FRMPD4: variants seen among roughly 807,000 people sequenced by gnomAD.
FRMPD4 encodes the protein FERM and PDZ domain containing 4.
In FRMPD4, 22 loss-of-function variants were observed where a neutral mutation model predicts 94.1. The observed-to-expected ratio is 0.23, with a 90% confidence interval of 0.17 to 0.33. FRMPD4 has a LOEUF of 0.33. Ranked by LOEUF, FRMPD4 falls within the 10% of genes least tolerant of loss-of-function variation. The probability of loss-of-function intolerance (pLI) is 1.00; values close to 1 mark genes in which losing one functional copy is unlikely to be tolerated. For missense variants in FRMPD4, 1,111 were observed against 1,339.9 expected (o/e 0.83, Z 2.67); for synonymous variants, 631 against 548.6 (o/e 1.15, Z -2.10).
chrX:12,414,980 T>A (rs894133964), intron 1 of FRMPD4, among the ~76,000 whole-genome samples: 2 of 111,324 alleles, frequency 1.8e-5, no homozygotes, highest in Non-Finnish European at 3.8e-5. Flanking sequence ...CTGATCATCT[T>A]TTTGGTGGTC....
At chrX:11,931,367 G>C (rs1020194010) in intron 3 of FRMPD4, among the ~76,000 whole-genome samples, 2 of 111,991 alleles carry the variant, frequency 1.8e-5, no homozygotes, top group African/African-American at 3.2e-5. Flanking sequence ...GGCTTTCCTT[G>C]GGGTCTCCCA....
intron 4 of FRMPD4, among the ~76,000 whole-genome samples, chrX:12,665,738 C>T (rs1221611129): frequency 2.7e-5 from 3 of 111,727 alleles, no homozygotes; most frequent in Non-Finnish European, 5.6e-5. Flanking sequence ...GAGATTTTGT[C>T]ACCACCAAGC....
At chrX:11,901,034 G>C (rs773755637) in intron 3 of FRMPD4, among the ~76,000 whole-genome samples, 5 of 111,209 alleles carry the variant, frequency 4.5e-5, no homozygotes, top group African/African-American at 1.6e-4. Flanking sequence ...TCCCTCTAAG[G>C]TAATGTGGCC....
In FRMPD4 at chrX:12,342,512, G is replaced by A. The variant is rs779187553; in HGVS notation, c.42-156168G>A. Among the ~76,000 whole-genome samples, 14 of 111,875 alleles carry A rather than the reference G, an allele frequency of 1.3e-4. No individual in the cohort carries two copies. In the East Asian group the frequency reaches 4.0e-3, roughly 32 times the overall value. On this transcript the variant is annotated intron_variant, in intron 1 of 16. Coordinates refer to ENST00000675598, the MANE Select transcript of FRMPD4 (RefSeq NM_001368397.1). ...GGTGCCCTTGATGGGGTCACGGGTG[G>A]GTGTGGTCTATTCTAGCTGAGAAGA...
chrX:12,157,355 T>C (rs1368253966), intron 1 of FRMPD4, among the ~76,000 whole-genome samples: 1 of 111,681 alleles, frequency 9.0e-6, no homozygotes, highest in Admixed American at 9.5e-5. Context: ...ATCACTTCTT[T>C]TTTTTCCTTT....
intron 2 of FRMPD4, among the ~76,000 whole-genome samples, chrX:12,539,287 G>A (rs2058377197): frequency 8.9e-6 from 1 of 112,092 alleles, no homozygotes; most frequent in African/African-American, 3.2e-5. Flanking sequence ...ATGGGACTAT[G>A]TGAAAGGACC....
intron 1 of FRMPD4, among the ~76,000 whole-genome samples, chrX:11,852,333 C>G (rs1019545313): frequency 9.4e-6 from 1 of 106,938 alleles, no homozygotes; most frequent in Non-Finnish European, 1.9e-5. Context: ...TATACTTTGT[C>G]CAGGAGGCTG....
At chrX:11,963,901 GA>G (rs992950731) in intron 3 of FRMPD4, among the ~76,000 whole-genome samples, 1 of 111,161 alleles carries the variant, frequency 9.0e-6, no homozygotes, top group African/African-American at 3.3e-5. Flanking sequence ...CTATATAGGT[GA>G]AAAAATTCCC....
At chrX:11,976,853 C>T (rs2054370004) in intron 3 of FRMPD4, among the ~76,000 whole-genome samples, 1 of 111,757 alleles carries the variant, frequency 8.9e-6, no homozygotes, top group African/African-American at 3.3e-5. Flanking sequence ...TCCTTATTTG[C>T]CATGACTCAT....
chrX:12,579,767 T>G (rs1259408821), intron 2 of FRMPD4, among the ~76,000 whole-genome samples: 1 of 112,107 alleles, frequency 8.9e-6, no homozygotes, highest in Non-Finnish European at 1.9e-5. Context: ...CATGAATGCT[T>G]TTTTACAGTC....
At chrX:12,042,924 C>A (rs1162163925) in intron 3 of FRMPD4, among the ~76,000 whole-genome samples, 1 of 111,996 alleles carries the variant, frequency 8.9e-6, no homozygotes, top group Non-Finnish European at 1.9e-5. Flanking sequence ...CCCTCTTTGG[C>A]AGTGAAGCTG....
intron 2 of FRMPD4, among the ~76,000 whole-genome samples, chrX:12,571,740 A>G (rs1312762121): frequency 8.9e-6 from 1 of 112,074 alleles, no homozygotes; most frequent in Non-Finnish European, 1.9e-5. Context: ...ATATTCTTAG[A>G]TTTGGAAGAC....
chrX:11,882,210 TGGGAATTA>T (rs2053818003), intron 3 of FRMPD4, among the ~76,000 whole-genome samples: 1 of 111,088 alleles, frequency 9.0e-6, no homozygotes, highest in Non-Finnish European at 1.9e-5. Context: ...ACACCTGCCC[TGGGAATTA>T]AAGGGTAAAG....
intron 1 of FRMPD4, among the ~76,000 whole-genome samples, chrX:12,245,350 T>C (rs1292462216): frequency 1.8e-5 from 2 of 111,195 alleles, no homozygotes; most frequent in Non-Finnish European, 3.8e-5. Context: ...CGGCCAGCTC[T>C]GAGGCTCATA....
chrX:12,517,800 G>A (rs1473903357), intron 2 of FRMPD4, among the ~76,000 whole-genome samples: 1 of 112,954 alleles, frequency 8.9e-6, no homozygotes, highest in African/African-American at 3.2e-5. Flanking sequence ...CGAGCCAGCA[G>A]GGGGAAAGAC....
chrX:12,643,291 T>A (rs1703549321), intron 4 of FRMPD4, among the ~76,000 whole-genome samples: 1 of 110,424 alleles, frequency 9.1e-6, no homozygotes, highest in African/African-American at 3.3e-5. Context: ...CTGGCTAATT[T>A]TTTTGTATTT....
intron 2 of FRMPD4, among the ~76,000 whole-genome samples, chrX:12,569,068 T>C (rs1363002505): frequency 9.0e-6 from 1 of 111,318 alleles, no homozygotes; most frequent in African/African-American, 3.3e-5. Context: ...CTTCCTTCTC[T>C]TCCTAGCTCA....
chrX:12,190,817 A>G (rs2056483006), intron 1 of FRMPD4, among the ~76,000 whole-genome samples: 1 of 110,986 alleles, frequency 9.0e-6, no homozygotes, highest in African/African-American at 3.3e-5. Flanking sequence ...ATAACTTTGG[A>G]GAATACCTAC....
chrX:12,103,214 C>T (rs773847340), intron 3 of FRMPD4, among the ~76,000 whole-genome samples: 7 of 111,475 alleles, frequency 6.3e-5, no homozygotes, highest in African/African-American at 2.3e-4. Context: ...ATTATGAGGA[C>T]TAAATTAGTT....
Sources: gnomAD v4.1 joint callset for allele counts (sites outside exome capture counted in the v4.1 genomes callset) on GRCh38, gnomAD v4.1.1 for gene constraint, MANE v1.5 for transcripts, NCBI Gene and HGNC (gene_info 2026-07-23, HGNC 2026-07-21) for gene names.